PCDH7: variants seen among roughly 807,000 people sequenced by gnomAD.
PCDH7 encodes the protein protocadherin 7.
Under a neutral mutation model 58.9 loss-of-function variants are expected in PCDH7, and 17 were observed. The ratio of observed to expected loss-of-function variants is 0.29; its 90% confidence interval spans 0.20 to 0.43. PCDH7 has a LOEUF of 0.43. PCDH7 is among the 20% of genes least tolerant of loss of function. The probability of loss-of-function intolerance (pLI) is 1.00; values close to 1 mark genes in which losing one functional copy is unlikely to be tolerated. For missense variants in PCDH7, 1,274 were observed against 1,441.0 expected, an observed-to-expected ratio of 0.88 and a Z score of 1.88; for synonymous variants, 664 against 616.4, an observed-to-expected ratio of 1.08 and a Z score of -1.14.
intron 1 of PCDH7, among the ~76,000 whole-genome samples, chr4:30,863,410 A>T (rs1173053904): frequency 1.3e-5 from 2 of 152,060 alleles, no homozygotes; most frequent in Non-Finnish European, 2.9e-5. Context: ...GGTGGAGGGT[A>T]TGGATTCTGC....
At chr4:30,931,574 CA>C (rs992539751) in intron 2 of PCDH7, among the ~76,000 whole-genome samples, 4 of 151,150 alleles carry the variant, frequency 2.6e-5, no homozygotes, top group Admixed American at 2.6e-4. Context: ...AACTCCATCT[CA>C]AAAAAATATA....
intron 1 of PCDH7, among the ~76,000 whole-genome samples, chr4:30,836,093 A>C (rs376583324): frequency 1.3e-5 from 2 of 152,232 alleles, no homozygotes; most frequent in African/African-American, 4.8e-5. Flanking sequence ...TCACCATGTT[A>C]TGTAATCCAT....
At chr4:30,781,215 C>CT (rs1344437484) in intron 1 of PCDH7, among the ~76,000 whole-genome samples, 23 of 149,644 alleles carry the variant, frequency 1.5e-4, no homozygotes, top group African/African-American at 5.7e-4. Flanking sequence ...CCAAGGCGTT[C>CT]TTCTTTTTTT....
intron 1 of PCDH7, among the ~76,000 whole-genome samples, chr4:30,850,175 A>G (rs1473439259): frequency 6.6e-6 from 1 of 152,134 alleles, no homozygotes; most frequent in Non-Finnish European, 1.5e-5. Context: ...GAAGAGTTCA[A>G]CTGAGACTGT....
At chr4:31,017,982 A>G (rs1238896774) in intron 3 of PCDH7, among the ~76,000 whole-genome samples, 1 of 152,192 alleles carries the variant, frequency 6.6e-6, no homozygotes, top group Non-Finnish European at 1.5e-5. Context: ...AGACAATTTC[A>G]GTCTTGTTTT....
At chr4:30,856,493 A>G (rs917955183) in intron 1 of PCDH7, among the ~76,000 whole-genome samples, 1 of 152,108 alleles carries the variant, frequency 6.6e-6, no homozygotes, top group African/African-American at 2.4e-5. Context: ...ACAAAAGCTT[A>G]GAAGTCAGAT....
chr4:31,022,466 G>T (rs936241157), intron 3 of PCDH7, among the ~76,000 whole-genome samples: 1 of 152,084 alleles, frequency 6.6e-6, no homozygotes, highest in Non-Finnish European at 1.5e-5. Flanking sequence ...CTGAAGCTTG[G>T]TGGGAAAGTA....
At chr4:31,069,954 T>C (rs1412882211) in intron 3 of PCDH7, among the ~76,000 whole-genome samples, 1 of 136,440 alleles carries the variant, frequency 7.3e-6, no homozygotes, top group Non-Finnish European at 1.6e-5. Context: ...GCTGACATAT[T>C]GTGCAACAAT....
downstream of PCDH7, among the ~76,000 whole-genome samples, chr4:30,735,417 G>A (rs1488013789): frequency 6.6e-6 from 1 of 152,162 alleles, no homozygotes; most frequent in Non-Finnish European, 1.5e-5. Flanking sequence ...AGAGCAACGG[G>A]CAGTGATTTG....
At chr4:30,890,962 A>G (rs1031056594) in intron 1 of PCDH7, among the ~76,000 whole-genome samples, 4 of 152,060 alleles carry the variant, frequency 2.6e-5, no homozygotes, top group African/African-American at 7.2e-5. Context: ...ATGAACAGAA[A>G]CTTTCTCAAG....
intron 1 of PCDH7, among the ~76,000 whole-genome samples, chr4:30,727,036 A>T (rs1294663641): frequency 2.0e-5 from 3 of 151,964 alleles, no homozygotes; most frequent in Admixed American, 1.3e-4. Flanking sequence ...TTATAAAAGA[A>T]AAAAAGAGAA....
At chr4:31,005,569 T>C (rs1752702204) in intron 3 of PCDH7, among the ~76,000 whole-genome samples, 2 of 152,246 alleles carry the variant, frequency 1.3e-5, no homozygotes, top group South Asian at 4.1e-4. Context: ...GTTAGGTTTA[T>C]CGGCATGATA....
chr4:31,029,370 T>C (rs138469406), intron 3 of PCDH7, among the ~76,000 whole-genome samples: 1,558 of 152,258 alleles, frequency 0.01, 24 homozygotes, highest in African/African-American at 0.035. Context: ...GTCAGAAATG[T>C]CCTAGGTGCC....
chr4:30,905,292 C>T (rs1375892058), intron 1 of PCDH7, among the ~76,000 whole-genome samples: 6 of 152,060 alleles, frequency 3.9e-5, no homozygotes, highest in African/African-American at 1.4e-4. Flanking sequence ...CTTGGCTCTT[C>T]AGCATTGCTC....
intron 1 of PCDH7, among the ~76,000 whole-genome samples, chr4:30,792,082 A>T (rs1033968465): frequency 6.6e-6 from 1 of 152,212 alleles, no homozygotes; most frequent in African/African-American, 2.4e-5. Flanking sequence ...ATAAGATTTC[A>T]GTGTATGAAC....
In PCDH7 at chr4:30,756,646, G is replaced by A. The variant is rs140308036; in HGVS notation, c.70+32050G>A. On this transcript the variant is annotated intron_variant, in intron 1 of 3. Coordinates refer to the PCDH7 transcript ENST00000509759. The stretch of plus-strand genomic sequence containing the variant: ...AATGCTCAGGCTGTTTGTTATCCCT[G>A]TATGTTACGCCACTACCTATATTTC... Among the ~76,000 whole-genome samples, 380 of 152,222 alleles carry A rather than the reference G, an allele frequency of 2.5e-3. 2 individuals are homozygous for A. Among genetic ancestry groups the A allele is most frequent in the African/African-American group, 8.7e-3 (363 of 41,540 alleles).
intron 3 of PCDH7, among the ~76,000 whole-genome samples, chr4:31,040,176 C>T (rs6821627): frequency 0.64 from 96,860 of 152,110 alleles, 33,175 homozygotes; most frequent in African/African-American, 0.89. Flanking sequence ...TGTATACCCA[C>T]GTAACCACCA....
intron 1 of PCDH7, among the ~76,000 whole-genome samples, chr4:30,883,064 A>G (rs1389877913): frequency 7.2e-5 from 11 of 152,190 alleles, no homozygotes; most frequent in Non-Finnish European, 1.5e-5. Flanking sequence ...GATTCTGTCA[A>G]GTGTGTGCAC....
At chr4:30,750,576 T>C (rs897100836) in intron 1 of PCDH7, among the ~76,000 whole-genome samples, 1 of 152,052 alleles carries the variant, frequency 6.6e-6, no homozygotes, top group Non-Finnish European at 1.5e-5. Flanking sequence ...GGGTGCAAAT[T>C]TGGAGAGGAG....
Sources: gnomAD v4.1 joint callset for allele counts (sites outside exome capture counted in the v4.1 genomes callset) on GRCh38, gnomAD v4.1.1 for gene constraint, MANE v1.5 for transcripts, NCBI Gene and HGNC (gene_info 2026-07-23, HGNC 2026-07-21) for gene names.